Variants in TACR3 observed in about 807,000 individuals in gnomAD.
The protein encoded by TACR3 is tachykinin receptor 3.
Under a neutral mutation model 35.0 loss-of-function variants are expected in TACR3, and 34 were observed. The observed-to-expected ratio is 0.97, with a 90% CI of 0.74 to 1.30. TACR3 has a LOEUF of 1.30. Ranked by LOEUF, TACR3 falls within the 50% of genes most tolerant of loss-of-function variation. The pLI is 0.00. For synonymous variants in TACR3, 233 were observed against 221.1 expected (o/e 1.05, Z -0.48); for missense variants, 558 against 591.7 (o/e 0.94, Z 0.59).
intron 1 of TACR3, among the ~76,000 whole-genome samples, chr4:103,693,964 G>A (rs543440856): frequency 1.1e-4 from 16 of 151,966 alleles, no homozygotes; most frequent in South Asian, 4.2e-4. Flanking sequence ...TCCAAATTTC[G>A]TATTTTGGGA....
intron 3 of TACR3, among the ~76,000 whole-genome samples, chr4:103,611,282 T>A (rs1052923824): frequency 6.6e-6 from 1 of 152,174 alleles, no homozygotes. Context: ...CTTATTAGTG[T>A]CCTCTTTAGT....
chr4:103,622,328 G>C (rs919215912), intron 3 of TACR3, among the ~76,000 whole-genome samples: 1 of 152,192 alleles, frequency 6.6e-6, no homozygotes, highest in Non-Finnish European at 1.5e-5. Context: ...AGTAAAATAG[G>C]TCATGGTTCA....
intron 3 of TACR3, among the ~76,000 whole-genome samples, chr4:103,637,604 G>A (rs1158334691): frequency 6.6e-6 from 1 of 152,148 alleles, no homozygotes; most frequent in African/African-American, 2.4e-5. Flanking sequence ...TCAGGCAGGA[G>A]AAGGAAATAA....
Position 103,719,362 on chromosome 4 carries a change from A to T in TACR3, c.314T>A (p.Ile105Asn). Residue 105 changes from isoleucine (I) to asparagine (N), a missense_variant, in exon 1 of 5, where the codon ATC becomes AAC. Transcript: ENST00000304883. ...GTGGGCCAGGATGATCCAGATGACG[A>T]TGAGATTTCCCAAAACTGCCACTGC... The part of the protein sequence containing the change: ...VVAVAVLGNL[I>N]VIWIILAHKR... 6.2e-7 allele frequency: 1 copy of T among 1,614,206 alleles called. No homozygotes were observed. Among genetic ancestry groups the T allele is most frequent in the Non-Finnish European group, 8.5e-7 (1 of 1,180,026 alleles).
At chr4:103,664,304 A>G (rs2110333334) in intron 1 of TACR3, among the ~76,000 whole-genome samples, 1 of 152,228 alleles carries the variant, frequency 6.6e-6, no homozygotes, top group East Asian at 1.9e-4. Flanking sequence ...ATTAGTTTGG[A>G]TGTAACTTTT....
chr4:103,589,612 A>C lies in TACR3; in HGVS notation c.*70T>G, dbSNP rs937758255. 24 of 1,584,132 alleles carry C rather than the reference A, an allele frequency of 1.5e-5. No individual in the cohort carries two copies. Among genetic ancestry groups the C allele is most frequent in the Non-Finnish European group, 1.8e-5 (21 of 1,154,986 alleles). ...GAGGGTATATAGGACAGGACTGGTA[A>C]ATAGGAGAATGGGGTCCTAGACTGG... On this transcript the variant is annotated 3_prime_UTR_variant, in exon 5 of 5. Transcript: ENST00000304883.
chr4:103,628,104 A>C (rs1724948297), intron 3 of TACR3, among the ~76,000 whole-genome samples: 1 of 152,204 alleles, frequency 6.6e-6, no homozygotes, highest in Admixed American at 6.5e-5. Context: ...TAATGAGAAA[A>C]AAGACACAAG....
At chr4:103,695,794 G>C (rs554597448) in intron 1 of TACR3, among the ~76,000 whole-genome samples, 1 of 151,252 alleles carries the variant, frequency 6.6e-6, no homozygotes, top group South Asian at 2.1e-4. Context: ...GATAAATATT[G>C]TTTATTATGT....
intron 1 of TACR3, among the ~76,000 whole-genome samples, chr4:103,660,394 A>G (rs1490428938): frequency 6.6e-6 from 1 of 152,090 alleles, no homozygotes; most frequent in Non-Finnish European, 1.5e-5. Flanking sequence ...CTCAGGGCTC[A>G]ATGTATATAA....
chr4:103,595,338 C>T (rs905061020), intron 3 of TACR3, among the ~76,000 whole-genome samples: 1 of 152,022 alleles, frequency 6.6e-6, no homozygotes, highest in Non-Finnish European at 1.5e-5. Flanking sequence ...AAGTGGGTAG[C>T]CACCCATTAC....
intron 3 of TACR3, among the ~76,000 whole-genome samples, chr4:103,633,666 T>C (rs925561814): frequency 6.6e-6 from 1 of 152,128 alleles, no homozygotes; most frequent in African/African-American, 2.4e-5. Flanking sequence ...AAATGTTTGG[T>C]TTTCCATTCC....
rs1723832981 is a variant in TACR3, at chr4:103,588,946, GAC to G, written c.*734_*735del. The G allele has an allele frequency of 6.6e-6, 1 of 151,960 alleles. No homozygotes were observed. The highest frequency in any genetic ancestry group is 2.4e-5 in the African/African-American group (1 of 41,396). 9.4% of individuals were successfully genotyped at this position (151,960 alleles called of 1,614,324 possible). ...TCTTCATATTTTTAGGGTCTTAACTGACTACTTTTTAGCTTGGTATTCAAAAA... is the reference window on the plus strand; with the variant it reads ...TCTTCATATTTTTAGGGTCTTAACTGTACTTTTTAGCTTGGTATTCAAAAA... On this transcript the variant is annotated 3_prime_UTR_variant, in exon 5 of 5. Coordinates refer to ENST00000304883, the MANE Select transcript of TACR3 (RefSeq NM_001059.3).
chr4:103,693,265 T>C lies in TACR3; in HGVS notation c.548+25863A>G, dbSNP rs1179109185. Among the ~76,000 whole-genome samples the C allele has an allele frequency of 7.2e-5, 11 of 152,190 alleles. No homozygotes were observed. The East Asian group carries it at 1.5e-3, about 21-fold the overall frequency. ...ACTGATTAATGTATATTCTAAGACA[T>C]AGAAGTCTATTTTGAAACTGTATTG... On this transcript the variant is annotated intron_variant, in intron 1 of 4. Transcript: ENST00000304883.
chr4:103,617,359 A>G (rs1002368227), intron 3 of TACR3, among the ~76,000 whole-genome samples: 1 of 152,198 alleles, frequency 6.6e-6, no homozygotes, highest in Non-Finnish European at 1.5e-5. Flanking sequence ...TCAATACAAA[A>G]CATTTCATTT....
intron 1 of TACR3, among the ~76,000 whole-genome samples, chr4:103,673,958 A>G (rs994262000): frequency 1.3e-5 from 2 of 152,150 alleles, no homozygotes; most frequent in African/African-American, 4.8e-5. Flanking sequence ...ATTTCATTTT[A>G]TTTCATTTTT....
At chr4:103,678,332 A>G (rs1416615419) in intron 1 of TACR3, among the ~76,000 whole-genome samples, 1 of 152,158 alleles carries the variant, frequency 6.6e-6, no homozygotes, top group Non-Finnish European at 1.5e-5. Flanking sequence ...ATGGTGGCCA[A>G]CAAGCATGAG....
At chr4:103,680,273 C>G (rs914238134) in intron 1 of TACR3, among the ~76,000 whole-genome samples, 1 of 151,372 alleles carries the variant, frequency 6.6e-6, no homozygotes, top group African/African-American at 2.4e-5. Flanking sequence ...AGCAGTCACA[C>G]CTACAGAACA....
rs144831027 is a variant in TACR3, at chr4:103,650,108, G to C, written c.888+6086C>G. On this transcript the variant is annotated intron_variant, in intron 3 of 4. Transcript: ENST00000304883. Reference sequence around the variant, plus strand: ...AGACTCACAGAGATACTGCCTTGTTGGTCTTGGATAAGATCCAGAGGAATT... The same window carrying C: ...AGACTCACAGAGATACTGCCTTGTTCGTCTTGGATAAGATCCAGAGGAATT... Among the ~76,000 whole-genome samples the C allele has an allele frequency of 3.0e-3, 458 of 152,074 alleles. 4 individuals are homozygous for C. The highest frequency in any genetic ancestry group is 0.011 in the African/African-American group (438 of 41,498).
intron 3 of TACR3, among the ~76,000 whole-genome samples, chr4:103,643,905 T>C (rs1445714572): frequency 2.6e-5 from 4 of 151,714 alleles, no homozygotes; most frequent in African/African-American, 9.7e-5. Context: ...AGATAACCCA[T>C]AGAGAACCTT....
Sources: gnomAD v4.1 joint callset for allele counts (sites outside exome capture counted in the v4.1 genomes callset) on GRCh38, gnomAD v4.1.1 for gene constraint, MANE v1.5 for transcripts, NCBI Gene and HGNC (gene_info 2026-07-23, HGNC 2026-07-21) for gene names.